The following DLGAP2 variants were observed in gnomAD, a reference collection of about 807,000 sequenced individuals.
DLGAP2 encodes the protein DLG associated protein 2.
A neutral mutation model predicts 100.3 loss-of-function variants in DLGAP2; 26 were observed. That is an observed-to-expected ratio of 0.26 (90% CI 0.19 to 0.36). DLGAP2 has a LOEUF of 0.36. DLGAP2 is among the 10% of genes least tolerant of loss of function. The pLI is 1.00. For missense variants in DLGAP2, 1,858 were observed against 1,453.2 expected (o/e 1.28, Z -4.53); for synonymous variants, 886 against 630.1 (o/e 1.41, Z -6.08).
chr8:1,105,621 T>G (rs866964633), intron 2 of DLGAP2, among the ~76,000 whole-genome samples: 19,275 of 135,058 alleles, frequency 0.14, 3,943 homozygotes, highest in African/African-American at 0.45. Context: ...TTCTAGGGTT[T>G]TTTTTTTTTT....
At chr8:742,671 T>A (rs1353847364) in intron 1 of DLGAP2, among the ~76,000 whole-genome samples, 2 of 152,066 alleles carry the variant, frequency 1.3e-5, no homozygotes, top group Admixed American at 6.6e-5. Flanking sequence ...AACTAATTTT[T>A]ACTTTTTTTT....
intron 2 of DLGAP2, among the ~76,000 whole-genome samples, chr8:1,077,627 A>G (rs1480918274): frequency 6.6e-6 from 1 of 152,208 alleles, no homozygotes; most frequent in African/African-American, 2.4e-5. Context: ...ACCAATGGCC[A>G]TACAACATTT....
In DLGAP2 at chr8:1,419,441, CGTGTGTGTGT is replaced by C. The variant is rs71190735; in HGVS notation, c.107-81900_107-81891del. On this transcript the variant is annotated intron_variant, in intron 3 of 14. Transcript: ENST00000637795. ...TGGGATACTGTGTTACACTCTGATA[CGTGTGTGTGT>C]GTGTGTGTGTGTGTGTGTGTGTGTA... is the stretch of plus-strand genomic sequence containing the variant. Among the ~76,000 whole-genome samples, 9 of 53,010 alleles carry C rather than the reference CGTGTGTGTGT, an allele frequency of 1.7e-4. 1 individual carries two copies. Among genetic ancestry groups the C allele is most frequent in the South Asian group, 1.8e-3 (2 of 1,116 alleles). 34.8% of individuals were successfully genotyped at this position (53,010 alleles called of 152,430 possible).
rs548276899 is a variant in DLGAP2 at position 863,694 on chromosome 8, C to T, written c.19-44218C>T. On this transcript the variant is annotated intron_variant, in intron 1 of 14. Coordinates refer to ENST00000637795, the MANE Select transcript of DLGAP2 (RefSeq NM_001346810.2). ...AACGAGCTGTCCCCTGGCCCCTGTTCGACTGGCTTTCACCAAAAAGACAAA... is the reference window on the plus strand; with the variant it reads ...AACGAGCTGTCCCCTGGCCCCTGTTTGACTGGCTTTCACCAAAAAGACAAA... 9.3e-4 allele frequency among the ~76,000 whole-genome samples: 142 copies of T among 152,254 alleles called. 2 individuals are homozygous for T. Among genetic ancestry groups the T allele is most frequent in the African/African-American group, 3.3e-3 (137 of 41,550 alleles).
intron 1 of DLGAP2, among the ~76,000 whole-genome samples, chr8:783,328 AT>A: frequency 6.6e-6 from 1 of 152,212 alleles, no homozygotes; most frequent in Non-Finnish European, 1.5e-5. Context: ...GGAAATTAAA[AT>A]GCATGGTAAC....
At chr8:1,312,221 T>C in intron 3 of DLGAP2, among the ~76,000 whole-genome samples, 1 of 152,152 alleles carries the variant, frequency 6.6e-6, no homozygotes, top group East Asian at 1.9e-4. Context: ...CAGACCTAAA[T>C]ATAAAACACA....
At chr8:1,246,187 T>C (rs1193762514) in intron 2 of DLGAP2, among the ~76,000 whole-genome samples, 1 of 152,206 alleles carries the variant, frequency 6.6e-6, no homozygotes, top group African/African-American at 2.4e-5. Flanking sequence ...AAATTAATAT[T>C]CAAGATGTGG....
chr8:1,233,791 A>C (rs1798586387), intron 2 of DLGAP2, among the ~76,000 whole-genome samples: 1 of 152,206 alleles, frequency 6.6e-6, no homozygotes. Context: ...TCCCTACTTG[A>C]AAATATAAAA....
intron 1 of DLGAP2, among the ~76,000 whole-genome samples, chr8:880,723 G>T (rs1797772783): frequency 6.6e-6 from 1 of 152,238 alleles, no homozygotes; most frequent in African/African-American, 2.4e-5. Context: ...CTGCGACATG[G>T]TATCTGTGCT....
intron 3 of DLGAP2, among the ~76,000 whole-genome samples, chr8:1,260,076 G>A (rs926970488): frequency 5.3e-5 from 8 of 152,078 alleles, no homozygotes; most frequent in South Asian, 2.1e-4. Context: ...GGCTGTTCCC[G>A]GGTGGAGCCT....
chr8:817,266 C>T (rs1563047394), intron 1 of DLGAP2, among the ~76,000 whole-genome samples: 1 of 152,124 alleles, frequency 6.6e-6, no homozygotes, highest in African/African-American at 2.4e-5. Flanking sequence ...CTGAGACTTT[C>T]CAGTGCATTT....
At chr8:1,041,627 G>C (rs1311044426) in intron 2 of DLGAP2, among the ~76,000 whole-genome samples, 4 of 104,338 alleles carry the variant, frequency 3.8e-5, no homozygotes, top group African/African-American at 7.9e-5. Context: ...TGCCGTGGGT[G>C]AGTGTTCTCC....
intron 2 of DLGAP2, among the ~76,000 whole-genome samples, chr8:957,612 A>G (rs1010266520): frequency 6.6e-6 from 1 of 152,152 alleles, no homozygotes; most frequent in African/African-American, 2.4e-5. Flanking sequence ...CGTTGTTGCA[A>G]TTTCTTAGTG....
chr8:1,298,262 A>G (rs1357418887), intron 3 of DLGAP2, among the ~76,000 whole-genome samples: 1 of 152,144 alleles, frequency 6.6e-6, no homozygotes, highest in Non-Finnish European at 1.5e-5. Flanking sequence ...GTGATCAAGT[A>G]AAAGTCATAT....
chr8:843,733 C>T (rs1223623844), intron 1 of DLGAP2, among the ~76,000 whole-genome samples: 1 of 152,218 alleles, frequency 6.6e-6, no homozygotes, highest in African/African-American at 2.4e-5. Context: ...AGCTGTGTCG[C>T]TGCATTCACC....
chr8:1,059,925 A>G (rs1046297445), intron 2 of DLGAP2, among the ~76,000 whole-genome samples: 21 of 152,270 alleles, frequency 1.4e-4, no homozygotes, highest in Non-Finnish European at 2.4e-4. Context: ...GATCGGGGGT[A>G]TTCACAGCTG....
chr8:1,318,719 T>G (rs922228084), intron 3 of DLGAP2, among the ~76,000 whole-genome samples: 1 of 151,942 alleles, frequency 6.6e-6, no homozygotes. Context: ...GAGTGGTTCC[T>G]ATTCGTACTT....
At chr8:1,528,086 C>T (rs1433545890) in intron 4 of DLGAP2, among the ~76,000 whole-genome samples, 3 of 152,236 alleles carry the variant, frequency 2.0e-5, no homozygotes, top group Non-Finnish European at 2.9e-5. Flanking sequence ...ACGTGGCTTC[C>T]AGCCACTGCA....
At chr8:1,220,632 G>A (rs1016785073) in intron 2 of DLGAP2, among the ~76,000 whole-genome samples, 13 of 152,130 alleles carry the variant, frequency 8.5e-5, no homozygotes, top group African/African-American at 2.7e-4. Flanking sequence ...GGTCAAGTGT[G>A]AAGTTTAGGT....
Sources: gnomAD v4.1 joint callset for allele counts (sites outside exome capture counted in the v4.1 genomes callset) on GRCh38, gnomAD v4.1.1 for gene constraint, MANE v1.5 for transcripts, NCBI Gene and HGNC (gene_info 2026-07-23, HGNC 2026-07-21) for gene names.